CTSD: variants seen among roughly 807,000 people sequenced by gnomAD.
CTSD encodes cathepsin D.
CTSD carries 28 observed loss-of-function variants against 43.6 expected under a neutral mutation model. The ratio of observed to expected loss-of-function variants is 0.64; its 90% CI spans 0.48 to 0.88. The LOEUF is 0.88. Ranked by LOEUF, CTSD falls within the 40% of genes least tolerant of loss-of-function variation. The pLI, the probability that CTSD is intolerant of heterozygous loss-of-function variation, is 0.00. For synonymous variants in CTSD, 270 were observed against 249.8 expected, an observed-to-expected ratio of 1.08 and a Z score of -0.76; for missense variants, 485 against 555.2, an observed-to-expected ratio of 0.87 and a Z score of 1.27.
chr11:1,756,031 G>A (rs1845805165), intron 5 of CTSD, among the ~76,000 whole-genome samples: 1 of 151,916 alleles, frequency 6.6e-6, no homozygotes, highest in Non-Finnish European at 1.5e-5. Context: ...TCCCCCACCT[G>A]GGCACTCACT....
At position 1,757,441 on chromosome 11, in the gene CTSD, T is replaced by C; in HGVS notation, c.587A>G (p.Asp196Gly). The C allele has an allele frequency of 6.2e-7, 1 of 1,614,118 alleles. No individual in the cohort carries two copies. Among genetic ancestry groups the C allele is most frequent in the Non-Finnish European group, 8.5e-7 (1 of 1,180,022 alleles). The part of the protein sequence containing the change: ...PGITFIAAKF[D>G]GILGMAYPRI... The stretch of plus-strand genomic sequence containing the variant: ...GGGGTAGGCCATGCCCAGGATGCCA[T>C]CGAACTTGGCTGCGATGAAGGTGAT... The change falls in exon 5 of 9, where the codon GAT (aspartate) becomes GGT (glycine). Residue 196 changes from aspartate to glycine, a missense_variant. Coordinates refer to ENST00000236671, the MANE Select transcript of CTSD (RefSeq NM_001909.5).
At chr11:1,754,560 GGATGGAGGA>G (rs1845783150) in intron 6 of CTSD, among the ~76,000 whole-genome samples, 1 of 142,968 alleles carries the variant, frequency 7.0e-6, no homozygotes. Context: ...GGGGATGGAG[GGATGGAGGA>G]GATGGAGGGT....
At chr11:1,761,566 C>T in intron 1 of CTSD, 98 bp from the exon 2 acceptor site, 1 of 1,381,776 alleles carries the variant, frequency 7.2e-7, no homozygotes, top group Admixed American at 1.9e-5. Context: ...TGGGGAATCT[C>T]AGAGTCGCCA....
intron 5 of CTSD, 72 bp downstream of exon 5, chr11:1,757,252 C>CA: frequency 7.9e-7 from 1 of 1,266,300 alleles, no homozygotes; most frequent in South Asian, 1.3e-5. Flanking sequence ...AGAGGGGGTG[C>CA]CTAGAAGGCT....
chr11:1,753,524 G>A lies in CTSD; in HGVS notation c.1218C>T (p.Phe406=), dbSNP rs199603943. 11 of 1,612,864 alleles carry A rather than the reference G, an allele frequency of 6.8e-6. No homozygotes were observed. The highest frequency in any genetic ancestry group is 1.6e-4 in the Middle Eastern group (1 of 6,084). The change falls in exon 9 of 9, where the codon TTC becomes TTT. Residue 406 remains phenylalanine (F), a synonymous_variant. Coordinates refer to ENST00000236671, the MANE Select transcript of CTSD (RefSeq NM_001909.5). ...GGAACTAGAGGCGGGCAGCCTCGGC[G>A]AAGCCCACCCTGTTGTTGTCACGGT... ...VFDRDNNRVG[F]AEAARL
At position 1,761,176 on chromosome 11, in the gene CTSD, G is replaced by C. The variant is rs72850960; in HGVS notation, c.228+133C>G. ...GGGAAGAAAGGAGTGTGGCTGAGCC[G>C]GGACGCCACCGTGGCCAGGTGAGCC... is the stretch of plus-strand genomic sequence containing the variant. On this transcript the variant is annotated intron_variant, in intron 2 of 8. Coordinates refer to ENST00000236671, the MANE Select transcript of CTSD (RefSeq NM_001909.5). The C allele has an allele frequency of 0.08, 74,787 of 936,290 alleles. 3,265 individuals carry two copies. Among genetic ancestry groups the C allele is most frequent in the Middle Eastern group, 0.14 (531 of 3,730 alleles). 58.0% of individuals were successfully genotyped at this position (936,290 alleles called of 1,614,324 possible).
Position 1,754,135 on chromosome 11 carries a change from C to T in CTSD, c.831G>A (p.Val277=), listed in dbSNP as rs764812657. The T allele has an allele frequency of 5.6e-6, 9 of 1,608,748 alleles. No individual in the cohort carries two copies. The highest frequency in any genetic ancestry group is 7.6e-6 in the Non-Finnish European group (9 of 1,179,592). The change falls in exon 7 of 9, where the codon GTG becomes GTA. Residue 277 remains valine, a synonymous_variant. Transcript: ENST00000236671. ...KAYWQVHLDQ[V]EVASGLTLCK... Reference sequence around the variant, plus strand: ...ACAGGGTCAGCCCGCTGGCCACCTCCACCCTGCGGGGAGTCAGGGCGTGAA... The same window carrying T: ...ACAGGGTCAGCCCGCTGGCCACCTCTACCCTGCGGGGAGTCAGGGCGTGAA...
intron 6 of CTSD, 33 bp from the exon 7 acceptor site, chr11:1,754,171 G>T: frequency 6.3e-7 from 1 of 1,598,574 alleles, no homozygotes; most frequent in South Asian, 1.1e-5. Flanking sequence ...GCCCCTGCCG[G>T]GACTGGAGTG....
chr11:1,753,407 AGTGTGTGGGT>A lies in CTSD; in HGVS notation c.*86_*95del, dbSNP rs1167096221. 20 of 1,451,060 alleles carry A rather than the reference AGTGTGTGGGT, an allele frequency of 1.4e-5. No individual in the cohort carries two copies. The highest frequency in any genetic ancestry group is 1.9e-5 in the Non-Finnish European group (20 of 1,035,768). The allele number at this position is 1,451,060 out of a possible 1,614,324, so 89.9% of individuals were successfully genotyped here. On this transcript the variant is annotated 3_prime_UTR_variant, in exon 9 of 9. Coordinates refer to ENST00000236671, the MANE Select transcript of CTSD (RefSeq NM_001909.5). ...GGGCGCCCAGGACAGTGGGCGGGCG[AGTGTGTGGGT>A]GTGTGTGGGAGGGGCCGCTGGGCCA...
intron 1 of CTSD, chr11:1,763,090 C>T (rs1845902519): frequency 6.6e-6 from 1 of 152,406 alleles, no homozygotes; most frequent in African/African-American, 2.4e-5. Flanking sequence ...GCAGCATGGC[C>T]CTCCTCTGCC....
intron 4 of CTSD, 42 bp downstream of exon 4, chr11:1,758,927 C>T (rs887024431): frequency 7.1e-7 from 1 of 1,410,486 alleles, no homozygotes; most frequent in African/African-American, 1.4e-5. Flanking sequence ...ACCCCACACC[C>T]TGGCACCCTC....
rs796052398 is a variant in CTSD, at chr11:1,753,623, C to G, written c.1119G>C (p.Met373Ile). The G allele has an allele frequency of 1.2e-6, 2 of 1,612,986 alleles. No individual in the cohort carries two copies. The highest frequency in any genetic ancestry group is 8.5e-7 in the Non-Finnish European group (1 of 1,179,904). Residue 373 changes from methionine (M) to isoleucine (I), a missense_variant, in exon 9 of 9, where the codon ATG becomes ATC. By Grantham distance (10) the Met-to-Ile change is conservative. Transcript: ENST00000236671. ...GTGGCCCGCTGGGTGGCGGGATGTCCATGCCCATGAAGCCGCTCAGGCAGA... is the reference window on the plus strand; with the variant it reads ...GTGGCCCGCTGGGTGGCGGGATGTCGATGCCCATGAAGCCGCTCAGGCAGA... ...KTLCLSGFMGMDIPPPSGPLW... is the reference protein window; with the variant it reads ...KTLCLSGFMGIDIPPPSGPLW...
At chr11:1,760,350 G>C (rs976320965) in intron 2 of CTSD, 4 of 152,338 alleles carry the variant, frequency 2.6e-5, no homozygotes, top group South Asian at 2.1e-4. Context: ...AGGAGGCAGA[G>C]AGTAAGAGGG....
intron 5 of CTSD, 35 bp from the exon 6 acceptor site, chr11:1,755,063 A>T: frequency 6.2e-7 from 1 of 1,612,614 alleles, no homozygotes; most frequent in Non-Finnish European, 8.5e-7. Flanking sequence ...CTGCCACGCC[A>T]CCCCCCAAGC....
At chr11:1,754,431 A>AG (rs1462448971) in intron 6 of CTSD, among the ~76,000 whole-genome samples, 9 of 81,902 alleles carry the variant, frequency 1.1e-4, no homozygotes, top group Admixed American at 9.2e-4. Context: ...AGGGGCATGG[A>AG]GGGATGGAGG....
At chr11:1,755,720 C>T (rs761551306) in intron 5 of CTSD, among the ~76,000 whole-genome samples, 1 of 152,180 alleles carries the variant, frequency 6.6e-6, no homozygotes, top group Non-Finnish European at 1.5e-5. Flanking sequence ...GCCATCCCGC[C>T]AGAGCGTCTG....
At chr11:1,761,835 G>C in intron 1 of CTSD, 1 of 372,368 alleles carries the variant, frequency 2.7e-6, no homozygotes, top group South Asian at 2.3e-5. Flanking sequence ...TCTCTTCCAG[G>C]ATGGTGGCCA....
At chr11:1,762,527 A>G (rs55861089) in intron 1 of CTSD, 13,819 of 152,258 alleles carry the variant, frequency 0.091, 664 homozygotes, top group Middle Eastern at 0.13. Context: ...CAGGGGCGTG[A>G]TCCCGGAAGA....
intron 2 of CTSD, chr11:1,761,036 G>GCC: frequency 2.0e-6 from 1 of 495,604 alleles, no homozygotes; most frequent in Non-Finnish European, 3.7e-6. Context: ...CCCAAGGACC[G>GCC]CCCCCTCAGG....
Sources: allele counts gnomAD v4.1 joint callset (sites outside exome capture counted in the v4.1 genomes callset), GRCh38; gene constraint gnomAD v4.1.1; transcripts MANE v1.5; gene names NCBI Gene and HGNC (gene_info 2026-07-23, HGNC 2026-07-21).